The following GPC5 variants were observed in gnomAD, a reference collection of about 807,000 sequenced individuals.
GPC5 encodes glypican-5.
Under a neutral mutation model 53.9 loss-of-function variants are expected in GPC5, and 47 were observed. The ratio of observed to expected loss-of-function variants is 0.87; its 90% CI spans 0.69 to 1.11. GPC5 has a LOEUF of 1.11. Among genes scored for constraint, GPC5 ranks in the 50% most tolerant of loss-of-function variants. The pLI is 0.00. For synonymous variants in GPC5, 286 were observed against 263.3 expected (o/e 1.09, Z -0.84); for missense variants, 748 against 713.1 (o/e 1.05, Z -0.56).
At chr13:92,000,260 AT>A (rs5805721) in intron 6 of GPC5, among the ~76,000 whole-genome samples, 2 of 151,514 alleles carry the variant, frequency 1.3e-5, no homozygotes, top group Admixed American at 6.6e-5. Context: ...TGGTGTGCAT[AT>A]TTTTTTTATT....
chr13:92,326,028 TTC>T (rs2043248308), intron 7 of GPC5, among the ~76,000 whole-genome samples: 1 of 152,116 alleles, frequency 6.6e-6, no homozygotes, highest in Non-Finnish European at 1.5e-5. Context: ...AAATAAGACT[TTC>T]TAGAGTCAGT....
At chr13:92,510,671 C>T (rs1416852521) in intron 7 of GPC5, among the ~76,000 whole-genome samples, 1 of 152,160 alleles carries the variant, frequency 6.6e-6, no homozygotes, top group Non-Finnish European at 1.5e-5. Context: ...ATGAACCCAC[C>T]TCTGGGTTAC....
intron 7 of GPC5, among the ~76,000 whole-genome samples, chr13:92,272,319 T>G (rs7326707): frequency 0.8 from 121,346 of 152,098 alleles, 48,821 homozygotes; most frequent in African/African-American, 0.86. Flanking sequence ...ACATAGGCTG[T>G]CTGAGAGTCA....
rs151073267 is a variant in GPC5, at chr13:92,224,787, C to T, written c.1561+79798C>T. 3.9e-3 allele frequency among the ~76,000 whole-genome samples: 591 copies of T among 152,306 alleles called. 3 individuals carry two copies. Among genetic ancestry groups the T allele is most frequent in the African/African-American group, 0.013 (551 of 41,578 alleles). On this transcript the variant is annotated intron_variant, in intron 7 of 7. Transcript: ENST00000377067. ...AATTCGAGTGCTGGAGGAATTAGCA[C>T]ATCCTTTGTGGCTCTCCCAGAAGAG...
intron 7 of GPC5, among the ~76,000 whole-genome samples, chr13:92,283,980 T>C (rs1231232056): frequency 3.3e-5 from 5 of 152,090 alleles, no homozygotes; most frequent in Admixed American, 1.3e-4. Context: ...ATCAACAAAA[T>C]TGATAGACCG....
chr13:92,523,643 A>G (rs953240120), intron 7 of GPC5, among the ~76,000 whole-genome samples: 1 of 152,110 alleles, frequency 6.6e-6, no homozygotes, highest in Non-Finnish European at 1.5e-5. Context: ...TAACATAACA[A>G]ATGTAAAACA....
intron 1 of GPC5, among the ~76,000 whole-genome samples, chr13:91,419,153 G>C (rs569530409): frequency 6.6e-6 from 1 of 151,982 alleles, no homozygotes; most frequent in Non-Finnish European, 1.5e-5. Context: ...GAGCAAGAAG[G>C]AATCAAGCAA....
chr13:92,494,879 A>G (rs1012054492), intron 7 of GPC5, among the ~76,000 whole-genome samples: 3 of 152,170 alleles, frequency 2.0e-5, no homozygotes, highest in Admixed American at 1.3e-4. Context: ...AAAATCTATT[A>G]TTGTAGTTAA....
chr13:91,747,815 AATT>A (rs774384777), intron 4 of GPC5, among the ~76,000 whole-genome samples: 4 of 152,190 alleles, frequency 2.6e-5, no homozygotes, highest in Non-Finnish European at 5.9e-5. Flanking sequence ...ATTTTCAGTT[AATT>A]AATTAAACAA....
intron 7 of GPC5, among the ~76,000 whole-genome samples, chr13:92,545,458 T>C (rs1283001957): frequency 3.9e-5 from 6 of 152,192 alleles, no homozygotes; most frequent in Non-Finnish European, 7.3e-5. Context: ...CTGGGTCAAA[T>C]GGTATTTCTA....
chr13:91,841,798 A>G (rs1420883925), intron 5 of GPC5, among the ~76,000 whole-genome samples: 1 of 152,206 alleles, frequency 6.6e-6, no homozygotes, highest in Non-Finnish European at 1.5e-5. Context: ...AACAAACACA[A>G]GTACAACTGA....
At chr13:92,352,232 A>T (rs2043484151) in intron 7 of GPC5, among the ~76,000 whole-genome samples, 2 of 152,192 alleles carry the variant, frequency 1.3e-5, no homozygotes, top group African/African-American at 4.8e-5. Context: ...AAAAAAATTG[A>T]ATAACTCATA....
intron 7 of GPC5, among the ~76,000 whole-genome samples, chr13:92,520,782 C>G (rs1001131992): frequency 2.6e-5 from 4 of 151,630 alleles, no homozygotes; most frequent in Non-Finnish European, 4.4e-5. Flanking sequence ...TCTGGCCAGG[C>G]CAATCAAGCA....
chr13:92,254,371 AG>A (rs2042712481), intron 7 of GPC5, among the ~76,000 whole-genome samples: 2 of 152,180 alleles, frequency 1.3e-5, no homozygotes, highest in South Asian at 4.1e-4. Context: ...GGATTATGAC[AG>A]GTATTCTACA....
chr13:92,551,275 A>G (rs531937456), intron 7 of GPC5, among the ~76,000 whole-genome samples: 106 of 151,762 alleles, frequency 7.0e-4, no homozygotes, highest in African/African-American at 2.4e-3. Flanking sequence ...AGACACTGGT[A>G]ATCTAAAACC....
intron 2 of GPC5, among the ~76,000 whole-genome samples, chr13:91,665,531 C>A (rs941414259): frequency 8.0e-6 from 1 of 125,140 alleles, no homozygotes; most frequent in South Asian, 2.3e-4. Flanking sequence ...GAGACGGAGT[C>A]TCGCTCTGTC....
At position 92,035,364 on chromosome 13, in the gene GPC5, A is replaced by G. The variant is rs546964660; in HGVS notation, c.1402-109466A>G. On this transcript the variant is annotated intron_variant, in intron 6 of 7. Coordinates refer to ENST00000377067, the MANE Select transcript of GPC5 (RefSeq NM_004466.6). ...GTCAGTTACACTAGCATTGTGTTGG[A>G]GTTCTTGGCATAGATTTTATTTTGT... Among the ~76,000 whole-genome samples, 5 of 152,106 alleles carry G rather than the reference A, an allele frequency of 3.3e-5. No individual in the cohort carries two copies. The East Asian group carries it at 9.7e-4, about 29-fold the overall frequency.
At chr13:91,478,906 C>CATATATATATATAT (rs1566435822) in intron 2 of GPC5, among the ~76,000 whole-genome samples, 1 of 59,966 alleles carries the variant, frequency 1.7e-5, no homozygotes, top group African/African-American at 4.8e-5. Flanking sequence ...TATATATGCA[C>CATATATATATATAT]ATATATATAT....
chr13:92,281,067 A>G (rs1316953157), intron 7 of GPC5, among the ~76,000 whole-genome samples: 9 of 152,218 alleles, frequency 5.9e-5, no homozygotes, highest in South Asian at 2.1e-4. Flanking sequence ...CGCTTTTCCA[A>G]TGGTCTTAGC....
Sources: gnomAD v4.1 joint callset for allele counts (sites outside exome capture counted in the v4.1 genomes callset) on GRCh38, gnomAD v4.1.1 for gene constraint, MANE v1.5 for transcripts, NCBI Gene and HGNC (gene_info 2026-07-23, HGNC 2026-07-21) for gene names.